FTO: variants seen among roughly 807,000 people sequenced by gnomAD.
The protein encoded by FTO is FTO alpha-ketoglutarate dependent dioxygenase.
FTO carries 47 observed loss-of-function variants against 63.9 expected under a neutral mutation model. That is an observed-to-expected ratio of 0.74 (90% CI 0.58 to 0.94). The LOEUF is 0.94. Ranked by LOEUF, FTO falls within the 40% of genes least tolerant of loss-of-function variation. The probability of loss-of-function intolerance (pLI) is 0.00; values close to 1 mark genes in which losing one functional copy is unlikely to be tolerated. For synonymous variants in FTO, 207 were observed against 224.4 expected (o/e 0.92, Z 0.69); for missense variants, 562 against 618.1 (o/e 0.91, Z 0.96).
At chr16:53,768,299 AGCT>A (rs1388553574) in intron 1 of FTO, among the ~76,000 whole-genome samples, 1 of 152,234 alleles carries the variant, frequency 6.6e-6, no homozygotes, top group Non-Finnish European at 1.5e-5. Context: ...CTTTTTGGTT[AGCT>A]GCCAGATAGA....
intron 5 of FTO, among the ~76,000 whole-genome samples, chr16:53,877,264 C>A (rs2080683820): frequency 6.6e-6 from 1 of 152,178 alleles, no homozygotes. Context: ...CAGGAATGTT[C>A]ATAATCACCA....
intron 1 of FTO, among the ~76,000 whole-genome samples, chr16:53,797,052 G>A (rs2078092643): frequency 6.6e-6 from 1 of 152,152 alleles, no homozygotes; most frequent in Non-Finnish European, 1.5e-5. Context: ...ATGTGCTTTT[G>A]CACTCGCTCT....
intron 8 of FTO, among the ~76,000 whole-genome samples, chr16:54,052,192 A>T (rs564109650): frequency 6.6e-6 from 1 of 152,334 alleles, no homozygotes; most frequent in African/African-American, 2.4e-5. Flanking sequence ...AGTGCATTTA[A>T]GACTTGAGTC....
chr16:53,842,294 A>G (rs1241850928), intron 3 of FTO, among the ~76,000 whole-genome samples: 2 of 152,226 alleles, frequency 1.3e-5, no homozygotes, highest in Admixed American at 1.3e-4. Context: ...GCACATTTAC[A>G]GCTCCACTAA....
chr16:53,936,488 T>C (rs1178249015), intron 8 of FTO, among the ~76,000 whole-genome samples: 1 of 152,206 alleles, frequency 6.6e-6, no homozygotes, highest in South Asian at 2.1e-4. Context: ...CATCAAAGTG[T>C]CATCTGGCTG....
rs1337583406 is a variant in FTO, at chr16:54,117,160, C to T, written c.*5245C>T. The stretch of plus-strand genomic sequence containing the variant: ...TCTGTGTGTGATTCTCACTCTACCA[C>T]CTCTTCAAACCTTTGTTGTCTTATC... On this transcript the variant is annotated 3_prime_UTR_variant, in exon 9 of 9. Transcript: ENST00000471389. 5.3e-5 allele frequency: 8 copies of T among 152,234 alleles called. No individual in the cohort carries two copies. The highest frequency in any genetic ancestry group is 4.6e-4 in the Admixed American group (7 of 15,290). The allele number at this position is 152,234 out of a possible 1,614,324, so 9.4% of individuals were successfully genotyped here.
chr16:53,720,627 TC>T (rs1342980885), intron 1 of FTO, among the ~76,000 whole-genome samples: 2 of 146,454 alleles, frequency 1.4e-5, no homozygotes, highest in East Asian at 3.9e-4. Context: ...TATATATATA[TC>T]TTTTATATAT....
chr16:53,724,913 G>A (rs752483755), intron 1 of FTO, among the ~76,000 whole-genome samples: 1 of 152,142 alleles, frequency 6.6e-6, no homozygotes, highest in Non-Finnish European at 1.5e-5. Flanking sequence ...AATAATTTTA[G>A]CATTGAACTT....
intron 1 of FTO, among the ~76,000 whole-genome samples, chr16:53,757,158 T>C (rs1392319974): frequency 3.9e-5 from 6 of 152,214 alleles, no homozygotes; most frequent in East Asian, 1.9e-4. Flanking sequence ...TATTTTGACA[T>C]GTATACATTG....
intron 8 of FTO, among the ~76,000 whole-genome samples, chr16:54,051,590 C>G (rs2085313889): frequency 6.6e-6 from 1 of 152,244 alleles, no homozygotes; most frequent in Non-Finnish European, 1.5e-5. Flanking sequence ...TTCCTCCCCC[C>G]TCAGTTTCTG....
chr16:54,030,860 A>G (rs1407616921), intron 8 of FTO, among the ~76,000 whole-genome samples: 1 of 152,242 alleles, frequency 6.6e-6, no homozygotes, highest in East Asian at 1.9e-4. Flanking sequence ...ATGCATTTAC[A>G]GATTCCCTTT....
In FTO at chr16:54,024,130, A is replaced by G. The variant is rs184180209; in HGVS notation, c.1365-87632A>G. ...TTCAATTAGATGGTTTCTCTTGAAT[A>G]TAATATTACAAATGGAATTATTAAG... On this transcript the variant is annotated intron_variant, in intron 8 of 8. Transcript: ENST00000471389. 3.9e-5 allele frequency among the ~76,000 whole-genome samples: 6 copies of G among 152,338 alleles called. No homozygotes were observed. In the East Asian group the frequency reaches 9.6e-4, roughly 24 times the overall value.
intron 2 of FTO, among the ~76,000 whole-genome samples, chr16:53,822,945 T>C (rs1301009865): frequency 6.6e-6 from 1 of 152,116 alleles, no homozygotes; most frequent in Non-Finnish European, 1.5e-5. Context: ...ACTGAGAAAC[T>C]CTGGTGTTCT....
intron 8 of FTO, among the ~76,000 whole-genome samples, chr16:54,065,483 G>A (rs2144413886): frequency 6.6e-6 from 1 of 152,242 alleles, no homozygotes; most frequent in Non-Finnish European, 1.5e-5. Context: ...TCATTCTGCT[G>A]ACCTCTGTTG....
At chr16:53,723,606 T>C (rs1308772306) in intron 1 of FTO, among the ~76,000 whole-genome samples, 1 of 152,206 alleles carries the variant, frequency 6.6e-6, no homozygotes, top group Non-Finnish European at 1.5e-5. Context: ...TCCCCATGCC[T>C]CATCACAAGT....
At chr16:54,023,156 A>G (rs2084638179) in intron 8 of FTO, among the ~76,000 whole-genome samples, 1 of 152,226 alleles carries the variant, frequency 6.6e-6, no homozygotes, top group Admixed American at 6.5e-5. Context: ...GCCAAACAGG[A>G]CTAGCAATTA....
intron 2 of FTO, among the ~76,000 whole-genome samples, chr16:53,819,691 T>C (rs1453475968): frequency 6.6e-6 from 1 of 152,218 alleles, no homozygotes; most frequent in Admixed American, 6.5e-5. Flanking sequence ...ATCTTCTTTT[T>C]CAAAAAGTTT....
intron 1 of FTO, among the ~76,000 whole-genome samples, chr16:53,729,576 A>G (rs1299758203): frequency 3.9e-5 from 6 of 152,002 alleles, no homozygotes; most frequent in African/African-American, 1.5e-4. Flanking sequence ...CACTGGCTGC[A>G]TGTTAAAATT....
chr16:54,058,725 TCCCCC>T (rs1179602168), intron 8 of FTO, among the ~76,000 whole-genome samples: 1 of 152,104 alleles, frequency 6.6e-6, no homozygotes, highest in Non-Finnish European at 1.5e-5. Flanking sequence ...ACTTGGCTTT[TCCCCC>T]CACCTCCTGT....
Sources: allele counts gnomAD v4.1 joint callset (sites outside exome capture counted in the v4.1 genomes callset), GRCh38; gene constraint gnomAD v4.1.1; transcripts MANE v1.5; gene names NCBI Gene and HGNC (gene_info 2026-07-23, HGNC 2026-07-21).